The following ANKS1B variants were observed in gnomAD, a reference collection of about 807,000 sequenced individuals.
ANKS1B encodes the protein ankyrin repeat and sterile alpha motif domain containing 1B, also known as ankyrin repeat and sterile alpha motif domain-containing protein 1B.
In ANKS1B, 36 loss-of-function variants were observed where a neutral mutation model predicts 148.3. The observed-to-expected ratio is 0.24, with a 90% CI of 0.19 to 0.32. The LOEUF is 0.32. Among genes scored for constraint, ANKS1B ranks in the 10% least tolerant of loss-of-function variants. The probability of loss-of-function intolerance (pLI) is 1.00; values close to 1 mark genes in which losing one functional copy is unlikely to be tolerated. For synonymous variants in ANKS1B, 542 were observed against 560.8 expected (o/e 0.97, Z 0.47); for missense variants, 1,157 against 1,542.6 (o/e 0.75, Z 4.19).
At chr12:98,898,847 A>G (rs1372500900) in intron 17 of ANKS1B, among the ~76,000 whole-genome samples, 1 of 152,210 alleles carries the variant, frequency 6.6e-6, no homozygotes, top group Non-Finnish European at 1.5e-5. Context: ...ACTGTAACCC[A>G]GTGAAAAGCA....
chr12:99,369,063 A>G (rs1332221986), intron 12 of ANKS1B, among the ~76,000 whole-genome samples: 1 of 152,166 alleles, frequency 6.6e-6, no homozygotes, highest in Non-Finnish European at 1.5e-5. Flanking sequence ...TTTACCCCAC[A>G]GTTTACTTGC....
At chr12:98,765,417 C>T (rs570361428) in intron 25 of ANKS1B, among the ~76,000 whole-genome samples, 1 of 152,068 alleles carries the variant, frequency 6.6e-6, no homozygotes, top group East Asian at 1.9e-4. Flanking sequence ...GTGTGTACCA[C>T]CACGCCTGGC....
intron 16 of ANKS1B, among the ~76,000 whole-genome samples, chr12:99,055,469 G>T (rs1191637669): frequency 6.6e-6 from 1 of 152,296 alleles, no homozygotes; most frequent in South Asian, 2.1e-4. Context: ...GTGCAATGGG[G>T]TTACCACAGG....
At chr12:98,750,533 GAGA>G (rs1274341778) in intron 26 of ANKS1B, among the ~76,000 whole-genome samples, 1 of 152,202 alleles carries the variant, frequency 6.6e-6, no homozygotes, top group Non-Finnish European at 1.5e-5. Flanking sequence ...GGGGGCTGGT[GAGA>G]AGGAGGAGAG....
Position 99,728,433 on chromosome 12 carries a change from T to C in ANKS1B, c.1128+44489A>G, listed in dbSNP as rs577620568. On this transcript the variant is annotated intron_variant, in intron 8 of 26. Transcript: ENST00000683438. ...ATCGAAACTACAGTGAGATACTGTC[T>C]CATGCCAGTCAGAATGGTAATTATT... Among the ~76,000 whole-genome samples, 31 of 152,334 alleles carry C rather than the reference T, an allele frequency of 2.0e-4. No individual in the cohort carries two copies. In the South Asian group the frequency reaches 6.0e-3, roughly 30 times the overall value.
chr12:99,102,454 T>C (rs4762556), intron 15 of ANKS1B, among the ~76,000 whole-genome samples: 99,822 of 152,032 alleles, frequency 0.66, 33,037 homozygotes, highest in East Asian at 0.89. Flanking sequence ...CTCGTAAGAA[T>C]AGGAGGTGAC....
At chr12:99,712,588 C>T (rs1020213026) in intron 8 of ANKS1B, among the ~76,000 whole-genome samples, 4 of 152,200 alleles carry the variant, frequency 2.6e-5, no homozygotes, top group Non-Finnish European at 1.5e-5. Flanking sequence ...AGTCCCAAAC[C>T]TTATCATCTA....
chr12:98,967,652 GAGGGGAGA>G (rs2099879516), intron 17 of ANKS1B, among the ~76,000 whole-genome samples: 1 of 115,506 alleles, frequency 8.7e-6, no homozygotes, highest in East Asian at 2.6e-4. Flanking sequence ...GAGGGAAGAG[GAGGGGAGA>G]GGAGGGGAGG....
intron 17 of ANKS1B, among the ~76,000 whole-genome samples, chr12:99,042,481 A>G (rs1037973850): frequency 6.6e-6 from 1 of 152,192 alleles, no homozygotes; most frequent in African/African-American, 2.4e-5. Context: ...TTTGCAGCCA[A>G]GCCCAGCCTA....
At chr12:99,201,001 A>G (rs761425825) in intron 14 of ANKS1B, among the ~76,000 whole-genome samples, 20 of 152,184 alleles carry the variant, frequency 1.3e-4, no homozygotes, top group Non-Finnish European at 2.6e-4. Flanking sequence ...GACACAGGCT[A>G]CCTGGAGGAA....
chr12:98,776,551 G>T (rs1375599537), intron 24 of ANKS1B, among the ~76,000 whole-genome samples: 1 of 152,218 alleles, frequency 6.6e-6, no homozygotes. Flanking sequence ...AACAGCTGAA[G>T]AGGTGTCTTG....
At chr12:99,219,124 T>C (rs981222186) in intron 14 of ANKS1B, among the ~76,000 whole-genome samples, 4 of 152,300 alleles carry the variant, frequency 2.6e-5, no homozygotes, top group African/African-American at 9.6e-5. Context: ...GAGTCACCAA[T>C]GAATAGATTT....
chr12:99,963,907 G>A (rs951218146), intron 1 of ANKS1B, among the ~76,000 whole-genome samples: 29 of 152,010 alleles, frequency 1.9e-4, no homozygotes, highest in African/African-American at 6.3e-4. Flanking sequence ...TATCTCTATC[G>A]AATTCTGCAA....
chr12:98,991,039 T>C (rs1336948499), intron 17 of ANKS1B, among the ~76,000 whole-genome samples: 2 of 152,158 alleles, frequency 1.3e-5, no homozygotes, highest in Non-Finnish European at 2.9e-5. Context: ...TGAGACTGGT[T>C]GTGTGATGGA....
At chr12:99,705,518 C>T (rs529987833) in intron 8 of ANKS1B, among the ~76,000 whole-genome samples, 1 of 152,178 alleles carries the variant, frequency 6.6e-6, no homozygotes, top group South Asian at 2.1e-4. Context: ...GTGACAATGG[C>T]ATCTAGAAGA....
intron 8 of ANKS1B, among the ~76,000 whole-genome samples, chr12:99,752,645 T>A (rs1261690257): frequency 6.6e-6 from 1 of 152,040 alleles, no homozygotes; most frequent in Admixed American, 6.6e-5. Context: ...AGGATATTGA[T>A]ACTATTTATT....
intron 14 of ANKS1B, chr12:99,154,769 G>C: frequency 6.9e-7 from 1 of 1,445,704 alleles, no homozygotes; most frequent in Non-Finnish European, 9.0e-7. Flanking sequence ...AGCAATGCAC[G>C]GCCGGCAGCC....
intron 8 of ANKS1B, among the ~76,000 whole-genome samples, chr12:99,748,556 A>G (rs925957446): frequency 4.6e-5 from 7 of 152,080 alleles, no homozygotes; most frequent in Non-Finnish European, 8.8e-5. Flanking sequence ...AATACTGAGT[A>G]TATACTTATG....
intron 12 of ANKS1B, among the ~76,000 whole-genome samples, chr12:99,357,915 T>C (rs1384307893): frequency 6.6e-6 from 1 of 152,150 alleles, no homozygotes; most frequent in African/African-American, 2.4e-5. Context: ...GTTTTCTATT[T>C]TTTTCATAAC....
Sources: allele counts gnomAD v4.1 joint callset (sites outside exome capture counted in the v4.1 genomes callset), GRCh38; gene constraint gnomAD v4.1.1; transcripts MANE v1.5; gene names NCBI Gene and HGNC (gene_info 2026-07-23, HGNC 2026-07-21).